GLIS1: variants seen among roughly 807,000 people sequenced by gnomAD.
GLIS1 encodes GLIS family zinc finger 1.
In GLIS1, 24 loss-of-function variants were observed where a neutral mutation model predicts 63.8. The observed-to-expected ratio is 0.38, with a 90% CI of 0.27 to 0.53. GLIS1 has a LOEUF of 0.53. GLIS1 is among the 20% of genes least tolerant of loss of function. The pLI, the probability that GLIS1 is intolerant of heterozygous loss-of-function variation, is 0.85. For missense variants in GLIS1, 1,036 were observed against 1,074.1 expected (o/e 0.96, Z 0.50); for synonymous variants, 450 against 482.5 (o/e 0.93, Z 0.88).
intron 2 of GLIS1, among the ~76,000 whole-genome samples, chr1:53,668,598 T>A (rs1157929068): frequency 2.0e-5 from 3 of 152,096 alleles, no homozygotes; most frequent in African/African-American, 7.2e-5. Context: ...TGACCTCAGA[T>A]AATCTGCCTG....
chr1:53,547,365 T>C (rs1170797595), intron 4 of GLIS1, among the ~76,000 whole-genome samples: 2 of 152,270 alleles, frequency 1.3e-5, no homozygotes, highest in Non-Finnish European at 2.9e-5. Context: ...AGCCAAGAGC[T>C]GCATGCTCAA....
chr1:53,687,753 G>A (rs1001568377), intron 2 of GLIS1, among the ~76,000 whole-genome samples: 2 of 152,116 alleles, frequency 1.3e-5, no homozygotes, highest in African/African-American at 2.4e-5. Context: ...TCTGGTTAAC[G>A]GGGGTTCCAG....
chr1:53,508,906 C>G (rs1283167108), intron 10 of GLIS1, among the ~76,000 whole-genome samples: 1 of 152,262 alleles, frequency 6.6e-6, no homozygotes, highest in African/African-American at 2.4e-5. Flanking sequence ...GCTCGCAAAG[C>G]TGTGCAAGGA....
intron 4 of GLIS1, among the ~76,000 whole-genome samples, chr1:53,563,107 T>G (rs1430650393): frequency 6.6e-6 from 1 of 152,220 alleles, no homozygotes; most frequent in East Asian, 1.9e-4. Flanking sequence ...AGGCCAGAAC[T>G]AGGCTGAAAG....
chr1:53,706,933 T>G (rs1275902411), intron 2 of GLIS1, among the ~76,000 whole-genome samples: 1 of 152,204 alleles, frequency 6.6e-6, no homozygotes, highest in Non-Finnish European at 1.5e-5. Flanking sequence ...CAAAAGAATC[T>G]GCCTCACCAG....
intron 2 of GLIS1, among the ~76,000 whole-genome samples, chr1:53,619,512 T>C (rs914092850): frequency 6.6e-6 from 1 of 152,172 alleles, no homozygotes; most frequent in African/African-American, 2.4e-5. Flanking sequence ...CTCTCAACAG[T>C]CTTGCTAGAT....
intron 4 of GLIS1, among the ~76,000 whole-genome samples, chr1:53,580,388 T>C (rs943134977): frequency 1.3e-5 from 2 of 152,180 alleles, no homozygotes; most frequent in Non-Finnish European, 2.9e-5. Flanking sequence ...CTTGAGCTCC[T>C]AGTGCTGATT....
intron 2 of GLIS1, among the ~76,000 whole-genome samples, chr1:53,665,877 C>T (rs1312096965): frequency 2.0e-5 from 3 of 152,110 alleles, no homozygotes; most frequent in East Asian, 1.9e-4. Flanking sequence ...CCAGCAACAT[C>T]GAACGCCCTG....
chr1:53,609,816 G>A (rs1434674642), intron 2 of GLIS1, among the ~76,000 whole-genome samples: 1 of 152,084 alleles, frequency 6.6e-6, no homozygotes, highest in Non-Finnish European at 1.5e-5. Context: ...AGGTGGTATA[G>A]GCTACCATCT....
rs532746171 is a variant in GLIS1, at chr1:53,699,749, C to T, written c.259+38057G>A. 2.0e-5 allele frequency among the ~76,000 whole-genome samples: 3 copies of T among 152,276 alleles called. No individual in the cohort carries two copies. In the East Asian group the frequency reaches 5.8e-4, roughly 29 times the overall value. The stretch of plus-strand genomic sequence containing the variant: ...TGGTTTCCGGTGAGAGGTCTCTTCC[C>T]AGCTTGTGGACAGCTACCTTCCCAC... On this transcript the variant is annotated intron_variant, in intron 2 of 10. Transcript: ENST00000628545.
chr1:53,604,035 C>T (rs1645345058), intron 2 of GLIS1, among the ~76,000 whole-genome samples: 1 of 152,230 alleles, frequency 6.6e-6, no homozygotes, highest in Non-Finnish European at 1.5e-5. Context: ...ATGTTCTTAT[C>T]TGTAAAATGG....
chr1:53,602,576 C>G (rs1222948836), intron 2 of GLIS1, among the ~76,000 whole-genome samples: 1 of 152,130 alleles, frequency 6.6e-6, no homozygotes, highest in Non-Finnish European at 1.5e-5. Context: ...AAGGCAGGCC[C>G]TAGAAAGGGT....
intron 4 of GLIS1, among the ~76,000 whole-genome samples, chr1:53,582,870 T>A (rs543349870): frequency 6.6e-6 from 1 of 152,324 alleles, no homozygotes; most frequent in African/African-American, 2.4e-5. Flanking sequence ...CCTTCTGTTG[T>A]CCTGGACTCC....
In GLIS1 at chr1:53,507,094, G is replaced by T. The variant is rs558264672; in HGVS notation, c.2231-318C>A. ...GAATGTGGGGGAAAGAGAGGAGCAG[G>T]GTAGGAGCAGCTCAGCCCTTGCCCT... On this transcript the variant is annotated intron_variant, in intron 10 of 10. Transcript: ENST00000628545. Among the ~76,000 whole-genome samples the T allele has an allele frequency of 5.1e-4, 77 of 152,222 alleles. 1 individual carries two copies. The highest frequency in any genetic ancestry group is 9.9e-4 in the Non-Finnish European group (67 of 67,980).
intron 2 of GLIS1, among the ~76,000 whole-genome samples, chr1:53,627,491 T>G (rs1444182856): frequency 6.6e-6 from 1 of 152,160 alleles, no homozygotes; most frequent in African/African-American, 2.4e-5. Flanking sequence ...GTTTTTAAAA[T>G]GGGACCCCAG....
rs183133462 is a variant in GLIS1 at position 53,687,739 on chromosome 1, G to A, written c.259+50067C>T. Among the ~76,000 whole-genome samples, 304 of 152,332 alleles carry A rather than the reference G, an allele frequency of 2.0e-3. 2 individuals carry two copies. The highest frequency in any genetic ancestry group is 0.016 in the Admixed American group (243 of 15,304). ...TCACGAAGGGACGGACAGTGGGCAG[G>A]AGTTCTGGTTAACGGGGGTTCCAGT... On this transcript the variant is annotated intron_variant, in intron 2 of 10. Transcript: ENST00000628545.
At chr1:53,633,658 A>T (rs1645694212) in intron 2 of GLIS1, among the ~76,000 whole-genome samples, 1 of 152,064 alleles carries the variant, frequency 6.6e-6, no homozygotes, top group South Asian at 2.1e-4. Context: ...GTGTCTCAAC[A>T]CTGCGTGTGT....
intron 2 of GLIS1, among the ~76,000 whole-genome samples, chr1:53,684,353 G>A (rs1646308009): frequency 6.6e-6 from 1 of 152,120 alleles, no homozygotes; most frequent in African/African-American, 2.4e-5. Flanking sequence ...TCCTAACCCT[G>A]GGAAAGCGTG....
intron 4 of GLIS1, among the ~76,000 whole-genome samples, chr1:53,530,727 C>A (rs887794758): frequency 2.0e-5 from 3 of 150,494 alleles, no homozygotes. Context: ...TCACAGCCAC[C>A]CACCAACCTC....
Sources: allele counts gnomAD v4.1 joint callset (sites outside exome capture counted in the v4.1 genomes callset), GRCh38; gene constraint gnomAD v4.1.1; transcripts MANE v1.5; gene names NCBI Gene and HGNC (gene_info 2026-07-23, HGNC 2026-07-21).